Variants in STK32B observed in about 807,000 individuals in gnomAD.
STK32B encodes serine/threonine kinase 32B.
A neutral mutation model predicts 52.6 loss-of-function variants in STK32B; 43 were observed. That is an observed-to-expected ratio of 0.82 (90% CI 0.64 to 1.05). STK32B has a LOEUF of 1.05. STK32B is among the 50% of genes least tolerant of loss of function. The probability of loss-of-function intolerance (pLI) is 0.00; values close to 1 mark genes in which losing one functional copy is unlikely to be tolerated. For synonymous variants in STK32B, 238 were observed against 204.3 expected (o/e 1.17, Z -1.41); for missense variants, 621 against 534.6 (o/e 1.16, Z -1.59).
chr4:5,496,548 C>CCTGCTTCTGCTTGCGCACGGTGCG (rs61698429), intron 11 of STK32B, among the ~76,000 whole-genome samples: 4 of 137,996 alleles, frequency 2.9e-5, no homozygotes, highest in Admixed American at 6.8e-5. Flanking sequence ...AATGCCTTGC[C>CCTGCTTCTGCTTGCGCACGGTGCG]CTGCACCCAC....
At chr4:5,202,697 A>G (rs1722250685) in intron 3 of STK32B, among the ~76,000 whole-genome samples, 1 of 152,214 alleles carries the variant, frequency 6.6e-6, no homozygotes. Flanking sequence ...CCACAGGCCC[A>G]ATGCCACATA....
chr4:5,335,955 G>C (rs900432060), intron 4 of STK32B, among the ~76,000 whole-genome samples: 1 of 151,310 alleles, frequency 6.6e-6, no homozygotes, highest in East Asian at 1.9e-4. Context: ...AAGTAGTATT[G>C]AGAACGCAGA....
In STK32B at chr4:5,076,400, G is replaced by A. The variant is rs188639532; in HGVS notation, c.52+24485G>A. ...TTCCTAGTTCCTCTTTCTCATAAAC[G>A]ATGCAAAATTGACCATGTTTGCTTA... On this transcript the variant is annotated intron_variant, in intron 1 of 11. Transcript: ENST00000282908. Among the ~76,000 whole-genome samples, 527 of 152,102 alleles carry A rather than the reference G, an allele frequency of 3.5e-3. 2 individuals carry two copies. Among genetic ancestry groups the A allele is most frequent in the Non-Finnish European group, 5.1e-3 (349 of 68,000 alleles).
At chr4:5,127,624 A>AC (rs1715485474) in intron 1 of STK32B, among the ~76,000 whole-genome samples, 1 of 111,112 alleles carries the variant, frequency 9.0e-6, no homozygotes, top group African/African-American at 3.4e-5. Flanking sequence ...TGGATTTAGA[A>AC]TGGCCTTATA....
Position 5,099,627 on chromosome 4 carries a change from G to A in STK32B, c.53-40278G>A, listed in dbSNP as rs1078886. Among the ~76,000 whole-genome samples the A allele has an allele frequency of 2.0e-3, 305 of 152,238 alleles. 3 individuals carry two copies. The highest frequency in any genetic ancestry group is 7.0e-3 in the African/African-American group (289 of 41,540). On this transcript the variant is annotated intron_variant, in intron 1 of 11. Coordinates refer to ENST00000282908, the MANE Select transcript of STK32B (RefSeq NM_018401.3). ...GTGATGGAGGTGGTCTACGAACTGGGCCTCGAAGGACAGATAGGATTTGAA... is the reference window on the plus strand; with the variant it reads ...GTGATGGAGGTGGTCTACGAACTGGACCTCGAAGGACAGATAGGATTTGAA...
chr4:5,468,943 G>A (rs1170027433), intron 11 of STK32B, among the ~76,000 whole-genome samples: 3 of 152,016 alleles, frequency 2.0e-5, no homozygotes, highest in Non-Finnish European at 2.9e-5. Context: ...CCAGCTACTC[G>A]GGAGGCTGAG....
chr4:5,128,502 T>C (rs1278051831), intron 1 of STK32B, among the ~76,000 whole-genome samples: 2 of 152,214 alleles, frequency 1.3e-5, no homozygotes, highest in African/African-American at 4.8e-5. Context: ...TGAGTGCTTA[T>C]AGATTCAGTG....
intron 1 of STK32B, among the ~76,000 whole-genome samples, chr4:5,101,164 C>T (rs1334421944): frequency 6.6e-6 from 1 of 152,224 alleles, no homozygotes; most frequent in Non-Finnish European, 1.5e-5. Flanking sequence ...CTGCCTCAGC[C>T]TCCCAAGTTG....
intron 3 of STK32B, among the ~76,000 whole-genome samples, chr4:5,317,051 AAT>A (rs1491245561): frequency 2.8e-4 from 10 of 35,888 alleles, no homozygotes; most frequent in Admixed American, 5.3e-4. Context: ...TTATATATAT[AAT>A]ATATATGATA....
At chr4:5,459,907 C>T (rs1716895220) in intron 8 of STK32B, among the ~76,000 whole-genome samples, 196 bp from the exon 9 acceptor site, 1 of 152,208 alleles carries the variant, frequency 6.6e-6, no homozygotes, top group Non-Finnish European at 1.5e-5. Context: ...AGCAGCCTGA[C>T]CTCTCAGTTT....
chr4:5,092,457 G>A (rs767903783), intron 1 of STK32B, among the ~76,000 whole-genome samples: 7 of 151,940 alleles, frequency 4.6e-5, no homozygotes, highest in South Asian at 4.2e-4. Context: ...GTGTGAACTC[G>A]GGAGGCGGAG....
intron 3 of STK32B, among the ~76,000 whole-genome samples, chr4:5,308,686 C>A (rs916784830): frequency 6.6e-6 from 1 of 152,074 alleles, no homozygotes; most frequent in South Asian, 2.1e-4. Flanking sequence ...AGCACCTAAA[C>A]CAGTGCCTAA....
At chr4:5,407,986 C>T (rs146203081) in intron 5 of STK32B, among the ~76,000 whole-genome samples, 1 of 152,144 alleles carries the variant, frequency 6.6e-6, no homozygotes, top group Non-Finnish European at 1.5e-5. Context: ...CATGTGAGAA[C>T]ACAGCAAGAA....
intron 3 of STK32B, among the ~76,000 whole-genome samples, chr4:5,192,496 GGAAATAGT>G (rs1721291446): frequency 6.6e-6 from 1 of 152,254 alleles, no homozygotes; most frequent in East Asian, 1.9e-4. Context: ...GATCGCTAAC[GGAAATAGT>G]GAAGCTGACT....
chr4:5,036,424 C>T, the STK32B span, among the ~76,000 whole-genome samples: 623 of 152,254 alleles, frequency 4.1e-3, 5 homozygotes, highest in African/African-American at 0.014. Context: ...GTCCAGGTGT[C>T]TCTCTGAAGT....
At position 5,420,164 on chromosome 4, in the gene STK32B, A is replaced by T. The variant is rs527682843; in HGVS notation, c.562+3230A>T. On this transcript the variant is annotated intron_variant, in intron 6 of 11. Transcript: ENST00000282908. ...GTTGGCAAGAGTCAGACCCAGGTCA[A>T]TGTGACTCCAAAACCCAAGCTCTGA... 3.3e-5 allele frequency among the ~76,000 whole-genome samples: 5 copies of T among 152,324 alleles called. No homozygotes were observed. In the South Asian group the frequency reaches 1.0e-3, roughly 32 times the overall value.
chr4:5,333,952 G>A (rs1288209792), intron 4 of STK32B, among the ~76,000 whole-genome samples: 4 of 152,114 alleles, frequency 2.6e-5, no homozygotes, highest in Admixed American at 6.5e-5. Flanking sequence ...TTGACTTGGC[G>A]ATGCGAGCTC....
At chr4:5,412,480 G>A (rs1007459170) in intron 5 of STK32B, among the ~76,000 whole-genome samples, 1 of 152,158 alleles carries the variant, frequency 6.6e-6, no homozygotes, top group Non-Finnish European at 1.5e-5. Context: ...ATTCCTGGGT[G>A]GAAGCAGCAT....
At chr4:5,152,346 G>A (rs189611299) in intron 2 of STK32B, among the ~76,000 whole-genome samples, 1 of 152,158 alleles carries the variant, frequency 6.6e-6, no homozygotes, top group Non-Finnish European at 1.5e-5. Flanking sequence ...CTTGTATTTT[G>A]CAACCTGGAC....
Sources: gnomAD v4.1 joint callset for allele counts (sites outside exome capture counted in the v4.1 genomes callset) on GRCh38, gnomAD v4.1.1 for gene constraint, MANE v1.5 for transcripts, NCBI Gene and HGNC (gene_info 2026-07-23, HGNC 2026-07-21) for gene names.